The following LINGO2 variants were observed in gnomAD, a reference collection of about 807,000 sequenced individuals.
LINGO2 encodes the protein leucine-rich repeat and immunoglobulin-like domain-containing nogo receptor-interacting protein 2.
A neutral mutation model predicts 30.6 loss-of-function variants in LINGO2; 14 were observed. The observed-to-expected ratio is 0.46, with a 90% CI of 0.30 to 0.72. The LOEUF is 0.72. Among genes scored for constraint, LINGO2 ranks in the 30% least tolerant of loss-of-function variants. The pLI is 0.07. For missense variants in LINGO2, 729 were observed against 751.7 expected, an observed-to-expected ratio of 0.97 and a Z score of 0.35; for synonymous variants, 317 against 288.5, an observed-to-expected ratio of 1.10 and a Z score of -1.00.
chr9:28,881,411 A>C, the LINGO2 span, among the ~76,000 whole-genome samples: 785 of 152,272 alleles, frequency 5.2e-3, 7 homozygotes, highest in African/African-American at 0.017. Context: ...GGCATGAGCC[A>C]CCATGCCGGT....
At chr9:28,652,017 A>T (rs1209601127) in intron 1 of LINGO2, among the ~76,000 whole-genome samples, 1 of 152,190 alleles carries the variant, frequency 6.6e-6, no homozygotes, top group Non-Finnish European at 1.5e-5. Flanking sequence ...TTGATTTTTT[A>T]AATTTTAATT....
chr9:29,075,423 G>A, the LINGO2 span, among the ~76,000 whole-genome samples: 2 of 152,086 alleles, frequency 1.3e-5, no homozygotes, highest in Non-Finnish European at 2.9e-5. Flanking sequence ...TTGGAGGAGT[G>A]CATTTTGAAA....
chr9:27,991,810 T>A (rs749449658), intron 5 of LINGO2, among the ~76,000 whole-genome samples: 8 of 152,100 alleles, frequency 5.3e-5, no homozygotes, highest in Non-Finnish European at 1.2e-4. Context: ...GGTGTTTGCA[T>A]TGTTTTGTGA....
At chr9:28,301,938 A>G (rs1000025393) in intron 3 of LINGO2, among the ~76,000 whole-genome samples, 4 of 151,398 alleles carry the variant, frequency 2.6e-5, no homozygotes, top group African/African-American at 9.8e-5. Context: ...ATTCTTAAAG[A>G]AAAAATCTTC....
At chr9:28,455,097 T>A (rs1444547740) in intron 2 of LINGO2, among the ~76,000 whole-genome samples, 2 of 152,038 alleles carry the variant, frequency 1.3e-5, no homozygotes, top group Non-Finnish European at 2.9e-5. Context: ...TTCCTGAAGT[T>A]TTAAATAAAA....
At chr9:28,703,227 C>T in the LINGO2 span, among the ~76,000 whole-genome samples, 1 of 151,400 alleles carries the variant, frequency 6.6e-6, no homozygotes, top group Non-Finnish European at 1.5e-5. Flanking sequence ...GATTTTAGAT[C>T]TTTTTTCTTT....
At chr9:28,689,012 T>C in the LINGO2 span, among the ~76,000 whole-genome samples, 1 of 152,210 alleles carries the variant, frequency 6.6e-6, no homozygotes, top group Admixed American at 6.5e-5. Flanking sequence ...AGTGAGTATG[T>C]GATTTATATC....
At chr9:29,099,872 A>C in the LINGO2 span, among the ~76,000 whole-genome samples, 3 of 152,138 alleles carry the variant, frequency 2.0e-5, no homozygotes, top group African/African-American at 4.8e-5. Flanking sequence ...CATCAACCCC[A>C]CTGCTAGGTA....
chr9:28,617,426 G>T (rs1324780590), intron 1 of LINGO2, among the ~76,000 whole-genome samples: 1 of 151,728 alleles, frequency 6.6e-6, no homozygotes. Flanking sequence ...CTCCCCAGTA[G>T]CTGGGACTAC....
intron 1 of LINGO2, among the ~76,000 whole-genome samples, chr9:28,606,373 A>T (rs947107320): frequency 6.6e-6 from 1 of 151,932 alleles, no homozygotes; most frequent in African/African-American, 2.4e-5. Context: ...TTACTGGAGA[A>T]TAAATGACTT....
chr9:28,844,609 C>A, the LINGO2 span, among the ~76,000 whole-genome samples: 29 of 151,872 alleles, frequency 1.9e-4, no homozygotes, highest in Middle Eastern at 3.4e-3. Flanking sequence ...TACTACCCAT[C>A]CCTACTGTAT....
the LINGO2 span, among the ~76,000 whole-genome samples, chr9:28,927,654 C>T: frequency 6.6e-6 from 1 of 152,158 alleles, no homozygotes; most frequent in African/African-American, 2.4e-5. Context: ...GTGTAATACA[C>T]TGGATAAATA....
the LINGO2 span, among the ~76,000 whole-genome samples, chr9:28,742,262 C>T: frequency 1.3e-5 from 1 of 76,080 alleles, no homozygotes; most frequent in South Asian, 6.6e-4. Context: ...GTCCATCCTA[C>T]TCTGCCTTTT....
At chr9:29,082,663 A>T in the LINGO2 span, among the ~76,000 whole-genome samples, 1 of 152,134 alleles carries the variant, frequency 6.6e-6, no homozygotes, top group East Asian at 1.9e-4. Context: ...AATGGGAGAA[A>T]ATTTTTGCAA....
chr9:27,986,414 G>T (rs938238968), intron 5 of LINGO2, among the ~76,000 whole-genome samples: 2 of 151,882 alleles, frequency 1.3e-5, no homozygotes, highest in African/African-American at 4.8e-5. Context: ...GCAACGGGAG[G>T]TAAGCTGTCC....
chr9:29,159,503 T>C, the LINGO2 span, among the ~76,000 whole-genome samples: 1 of 152,184 alleles, frequency 6.6e-6, no homozygotes, highest in Admixed American at 6.5e-5. Context: ...TAACTTATCA[T>C]GAAACTTTCA....
At chr9:28,207,466 C>T (rs944149384) in intron 4 of LINGO2, among the ~76,000 whole-genome samples, 1 of 151,914 alleles carries the variant, frequency 6.6e-6, no homozygotes, top group East Asian at 1.9e-4. Context: ...TTTAAAGGAC[C>T]TGTTTCATTT....
intron 4 of LINGO2, among the ~76,000 whole-genome samples, chr9:28,168,741 C>A (rs116846813): frequency 1.6e-4 from 25 of 152,338 alleles, no homozygotes; most frequent in Middle Eastern, 3.4e-3. Flanking sequence ...ATTTGTGGAA[C>A]CTAAATTGTA....
chr9:28,240,206 A>G (rs1209845878), intron 4 of LINGO2, among the ~76,000 whole-genome samples: 1 of 152,162 alleles, frequency 6.6e-6, no homozygotes, highest in African/African-American at 2.4e-5. Flanking sequence ...ATACTACACA[A>G]AGCAATCTAT....
Sources: allele counts gnomAD v4.1 joint callset (sites outside exome capture counted in the v4.1 genomes callset), GRCh38; gene constraint gnomAD v4.1.1; transcripts MANE v1.5; gene names NCBI Gene and HGNC (gene_info 2026-07-23, HGNC 2026-07-21).